The following LAMA2 variants were observed in gnomAD, a reference collection of about 807,000 sequenced individuals.
LAMA2 encodes laminin subunit alpha 2, also known as laminin subunit alpha-2.
Under a neutral mutation model 364.8 loss-of-function variants are expected in LAMA2, and 269 were observed. The observed-to-expected ratio is 0.74, with a 90% CI of 0.67 to 0.82. LAMA2 has a LOEUF of 0.82. Among genes scored for constraint, LAMA2 ranks in the 40% least tolerant of loss-of-function variants. The pLI, the probability that LAMA2 is intolerant of heterozygous loss-of-function variation, is 0.00. For missense variants in LAMA2, 3,807 were observed against 3,873.2 expected, an observed-to-expected ratio of 0.98 and a Z score of 0.45; for synonymous variants, 1,379 against 1,370.6, an observed-to-expected ratio of 1.01 and a Z score of -0.14.
chr6:129,339,923 A>T (rs1776163807), intron 29 of LAMA2, among the ~76,000 whole-genome samples: 1 of 151,988 alleles, frequency 6.6e-6, no homozygotes. Context: ...GAATCGCTTG[A>T]ACCTGGGAGG....
At chr6:129,429,973 A>AT (rs1031406205) in intron 41 of LAMA2, among the ~76,000 whole-genome samples, 1 of 151,988 alleles carries the variant, frequency 6.6e-6, no homozygotes, top group African/African-American at 2.4e-5. Flanking sequence ...GTTTAAATTT[A>AT]TTTTTTTTGT....
chr6:129,274,454 T>C (rs1204231550), intron 17 of LAMA2, among the ~76,000 whole-genome samples: 1 of 151,864 alleles, frequency 6.6e-6, no homozygotes, highest in Non-Finnish European at 1.5e-5. Context: ...GACGCAACCT[T>C]CATGGGAAGT....
At chr6:128,927,764 CAATT>C (rs1779189801) in intron 1 of LAMA2, among the ~76,000 whole-genome samples, 1 of 151,944 alleles carries the variant, frequency 6.6e-6, no homozygotes, top group Non-Finnish European at 1.5e-5. Flanking sequence ...TTTTTTGTCA[CAATT>C]AATTATTATT....
chr6:129,106,890 A>G (rs1562244140), intron 4 of LAMA2, among the ~76,000 whole-genome samples: 1 of 147,274 alleles, frequency 6.8e-6, no homozygotes, highest in East Asian at 1.9e-4. Flanking sequence ...ATATATATAT[A>G]CAATGCCCAG....
chr6:129,113,260 C>A (rs1312226524), intron 4 of LAMA2, among the ~76,000 whole-genome samples: 2 of 152,026 alleles, frequency 1.3e-5, no homozygotes, highest in Non-Finnish European at 2.9e-5. Flanking sequence ...TTTTGTAAAT[C>A]TTTCCATTGA....
At chr6:128,967,048 G>A (rs762431374) in intron 1 of LAMA2, among the ~76,000 whole-genome samples, 22 of 152,154 alleles carry the variant, frequency 1.4e-4, no homozygotes, top group South Asian at 4.1e-4. Context: ...TGTTAGAAAA[G>A]CTTATGTAAA....
At chr6:129,331,374 T>G (rs1461487962) in intron 29 of LAMA2, among the ~76,000 whole-genome samples, 1 of 151,864 alleles carries the variant, frequency 6.6e-6, no homozygotes, top group Non-Finnish European at 1.5e-5. Flanking sequence ...AGCCTAAACC[T>G]CTCCTCTCAC....
Position 129,333,543 on chromosome 6 carries a change from C to T in LAMA2, c.4311+5131C>T, listed in dbSNP as rs1172307693. ...GAGGTGATCATATATAGGTTTTTCA[C>T]CTTAAACAGAACCATAAATGATATT... On this transcript the variant is annotated intron_variant, in intron 29 of 64. Coordinates refer to ENST00000421865, the MANE Select transcript of LAMA2 (RefSeq NM_000426.4). 2.0e-5 allele frequency among the ~76,000 whole-genome samples: 3 copies of T among 152,064 alleles called. No individual in the cohort carries two copies. The East Asian group carries it at 5.8e-4, about 29-fold the overall frequency.
At chr6:129,241,310 A>C (rs1275669476) in intron 12 of LAMA2, among the ~76,000 whole-genome samples, 1 of 152,192 alleles carries the variant, frequency 6.6e-6, no homozygotes, top group Non-Finnish European at 1.5e-5. Context: ...TTGGGCCATC[A>C]CTATGATCTC....
intron 3 of LAMA2, among the ~76,000 whole-genome samples, chr6:129,091,374 T>A (rs1774815498): frequency 1.3e-5 from 2 of 152,230 alleles, no homozygotes; most frequent in East Asian, 3.9e-4. Flanking sequence ...GTGGAATAAT[T>A]CATTTTCCAA....
intron 35 of LAMA2, among the ~76,000 whole-genome samples, chr6:129,385,690 A>G (rs1778977322): frequency 6.6e-6 from 1 of 152,200 alleles, no homozygotes; most frequent in Non-Finnish European, 1.5e-5. Context: ...TTAGTTCATA[A>G]ATAAACTGTT....
At chr6:128,978,604 C>T (rs1398381638) in intron 1 of LAMA2, among the ~76,000 whole-genome samples, 1 of 152,106 alleles carries the variant, frequency 6.6e-6, no homozygotes, top group African/African-American at 2.4e-5. Flanking sequence ...GCGTGAGCCA[C>T]CATGCCCGGT....
At chr6:129,335,865 A>G (rs1775928773) in intron 29 of LAMA2, among the ~76,000 whole-genome samples, 1 of 152,188 alleles carries the variant, frequency 6.6e-6, no homozygotes, top group Non-Finnish European at 1.5e-5. Flanking sequence ...ACGGCAAGAG[A>G]GTGTAAACAC....
chr6:128,912,128 C>T (rs1778008249), intron 1 of LAMA2, among the ~76,000 whole-genome samples: 1 of 152,122 alleles, frequency 6.6e-6, no homozygotes, highest in South Asian at 2.1e-4. Flanking sequence ...TTTTTATGGA[C>T]ATATGTTTTC....
chr6:128,930,589 G>A (rs1779412767), intron 1 of LAMA2, among the ~76,000 whole-genome samples: 1 of 152,106 alleles, frequency 6.6e-6, no homozygotes, highest in Admixed American at 6.6e-5. Context: ...CGGAGCAGGA[G>A]CAAGAAATAC....
At chr6:129,298,679 G>A (rs888634295) in intron 21 of LAMA2, among the ~76,000 whole-genome samples, 2 of 152,220 alleles carry the variant, frequency 1.3e-5, no homozygotes, top group East Asian at 3.9e-4. Flanking sequence ...TTAAAACATT[G>A]TTATTCACTG....
intron 51 of LAMA2, among the ~76,000 whole-genome samples, chr6:129,470,573 T>C (rs1783761421): frequency 6.6e-6 from 1 of 151,820 alleles, no homozygotes; most frequent in Non-Finnish European, 1.5e-5. Flanking sequence ...GCCAGAGAGC[T>C]TGACATTATG....
At chr6:129,382,637 C>T (rs186757727) in intron 34 of LAMA2, among the ~76,000 whole-genome samples, 1 of 152,150 alleles carries the variant, frequency 6.6e-6, no homozygotes, top group South Asian at 2.1e-4. Context: ...GCATTTCTCC[C>T]TCTTTGTTTC....
chr6:129,455,128 AG>A (rs1214567795), intron 47 of LAMA2, among the ~76,000 whole-genome samples: 2 of 152,098 alleles, frequency 1.3e-5, no homozygotes, highest in Non-Finnish European at 2.9e-5. Context: ...GCTACTTGGG[AG>A]GCTGAGGCAG....
Sources: gnomAD v4.1 joint callset for allele counts (sites outside exome capture counted in the v4.1 genomes callset) on GRCh38, gnomAD v4.1.1 for gene constraint, MANE v1.5 for transcripts, NCBI Gene and HGNC (gene_info 2026-07-23, HGNC 2026-07-21) for gene names.